CCN6: variants seen among roughly 807,000 people sequenced by gnomAD.
CCN6 encodes the protein cellular communication network factor 6.
A neutral mutation model predicts 37.4 loss-of-function variants in CCN6; 31 were observed. The ratio of observed to expected loss-of-function variants is 0.83; its 90% CI spans 0.62 to 1.12. The LOEUF is 1.12. Ranked by LOEUF, CCN6 falls within the 50% of genes most tolerant of loss-of-function variation. The pLI is 0.00. For synonymous variants in CCN6, 137 were observed against 142.1 expected, an observed-to-expected ratio of 0.96 and a Z score of 0.26; for missense variants, 369 against 413.8, an observed-to-expected ratio of 0.89 and a Z score of 0.94.
intron 1 of CCN6, among the ~76,000 whole-genome samples, chr6:112,055,569 G>A (rs193072850): frequency 7.2e-4 from 108 of 149,174 alleles, no homozygotes; most frequent in Non-Finnish European, 1.1e-3. Flanking sequence ...GCCAAATACT[G>A]TGCTGGGTGC....
intron 1 of CCN6, among the ~76,000 whole-genome samples, chr6:112,058,324 A>T (rs58038616): frequency 6.6e-6 from 1 of 152,220 alleles, no homozygotes; most frequent in Non-Finnish European, 1.5e-5. Context: ...AATTTCCTAC[A>T]GATACTTCTA....
At chr6:112,056,114 A>G (rs1412647910) in intron 1 of CCN6, among the ~76,000 whole-genome samples, 1 of 152,206 alleles carries the variant, frequency 6.6e-6, no homozygotes, top group African/African-American at 2.4e-5. Context: ...AATATGCCTG[A>G]GGAAAAGTGA....
chr6:112,062,547 GT>G (rs2114450133), intron 2 of CCN6, among the ~76,000 whole-genome samples: 1 of 152,370 alleles, frequency 6.6e-6, no homozygotes, highest in South Asian at 2.1e-4. Flanking sequence ...CACACAAAAT[GT>G]GATGAGACTT....
chr6:112,054,069 T>G (rs1283941534), upstream of CCN6: 1 of 595,886 alleles, frequency 1.7e-6, no homozygotes, highest in Non-Finnish European at 3.1e-6. Flanking sequence ...CTACTTGCCC[T>G]GCCCTCCTGA....
At chr6:112,068,832 C>T (rs985126496) in intron 4 of CCN6, among the ~76,000 whole-genome samples, 1 of 152,044 alleles carries the variant, frequency 6.6e-6, no homozygotes, top group African/African-American at 2.4e-5. Context: ...AGAGCTGGTC[C>T]TGCTTCTTGA....
At chr6:112,063,517 G>A (rs1583580037) in intron 2 of CCN6, among the ~76,000 whole-genome samples, 2 of 152,138 alleles carry the variant, frequency 1.3e-5, no homozygotes, top group South Asian at 2.1e-4. Flanking sequence ...ACTTAATTAT[G>A]TAATATCTAA....
chr6:112,069,582 G>C lies in CCN6; in HGVS notation c.1027G>C (p.Glu343Gln), dbSNP rs372870908. Reference protein sequence around the residue: ...TSCVCQRNCREPGDIFSELKI... With the variant: ...TSCVCQRNCRQPGDIFSELKI... ...TTGTGTGTGTCAGAGAAACTGCAGA[G>C]AACCTGGAGATATATTTTCTGAGCT... The change falls in exon 5 of 5, where the codon GAA becomes CAA. Residue 343 changes from glutamate to glutamine, a missense_variant. Physicochemically the swap from Glu to Gln is conservative, Grantham distance 29. Transcript: ENST00000368666. 3 of 1,613,506 alleles carry C rather than the reference G, an allele frequency of 1.9e-6. No homozygotes were observed. The highest frequency in any genetic ancestry group is 2.5e-6 in the Non-Finnish European group (3 of 1,179,770).
chr6:112,058,992 T>C (rs1776429805), intron 1 of CCN6, among the ~76,000 whole-genome samples: 1 of 152,194 alleles, frequency 6.6e-6, no homozygotes, highest in South Asian at 2.1e-4. Context: ...CCATAGCAAC[T>C]AATAAGTTGT....
At chr6:112,056,890 ATCT>A (rs880000892) in intron 1 of CCN6, among the ~76,000 whole-genome samples, 12 of 150,910 alleles carry the variant, frequency 8.0e-5, no homozygotes, top group Admixed American at 2.0e-4. Flanking sequence ...GTCTTTGCAC[ATCT>A]TCTTCTCAAT....
chr6:112,068,119 CTTAAACA>C (rs1474688259), intron 3 of CCN6, 79 bp from the exon 4 acceptor site: 13 of 1,142,942 alleles, frequency 1.1e-5, no homozygotes, highest in Non-Finnish European at 1.5e-5. Context: ...ACTCAGATTT[CTTAAACA>C]TTAAACATGA....
chr6:112,052,997 A>G (rs1776252088), upstream of CCN6, among the ~76,000 whole-genome samples: 1 of 152,192 alleles, frequency 6.6e-6, no homozygotes, highest in Non-Finnish European at 1.5e-5. Flanking sequence ...GAACAGTAAC[A>G]AAGGTGAGCA....
At chr6:112,062,129 G>A (rs1348098819) in intron 2 of CCN6, among the ~76,000 whole-genome samples, 1 of 152,108 alleles carries the variant, frequency 6.6e-6, no homozygotes, top group African/African-American at 2.4e-5. Context: ...CTAGGTTCAA[G>A]TCCTGACTGC....
intron 1 of CCN6, chr6:112,054,640 T>C: frequency 1.9e-6 from 1 of 528,222 alleles, no homozygotes; most frequent in Non-Finnish European, 3.4e-6. Context: ...CACCGAAGCC[T>C]CCTTTCGCTA....
At chr6:112,061,525 T>C in intron 2 of CCN6, 1 of 569,198 alleles carries the variant, frequency 1.8e-6, no homozygotes, top group Non-Finnish European at 3.1e-6. Context: ...GCAGTTCTTC[T>C]CAGGTAATTG....
chr6:112,057,250 C>G (rs1230722455), intron 1 of CCN6, among the ~76,000 whole-genome samples: 1 of 152,180 alleles, frequency 6.6e-6, no homozygotes, highest in Non-Finnish European at 1.5e-5. Context: ...ATAACTGGCT[C>G]AGAAGTTTAG....
chr6:112,061,466 C>A, intron 2 of CCN6, 178 bp downstream of exon 2: 1 of 739,584 alleles, frequency 1.4e-6, no homozygotes, highest in Non-Finnish European at 2.3e-6. Context: ...TTAGCAGATG[C>A]TTACACACAT....
At chr6:112,055,717 A>G (rs1464053781) in intron 1 of CCN6, among the ~76,000 whole-genome samples, 1 of 152,156 alleles carries the variant, frequency 6.6e-6, no homozygotes, top group South Asian at 2.1e-4. Context: ...CAGCCTCCCA[A>G]GTAGCTGAGA....
chr6:112,056,225 G>C (rs1369757564), intron 1 of CCN6, among the ~76,000 whole-genome samples: 1 of 152,152 alleles, frequency 6.6e-6, no homozygotes, highest in African/African-American at 2.4e-5. Context: ...AAGATCTTCA[G>C]ACCGAAGATC....
chr6:112,066,461 T>C (rs1296891246), intron 3 of CCN6, among the ~76,000 whole-genome samples: 6 of 152,188 alleles, frequency 3.9e-5, no homozygotes, highest in African/African-American at 1.4e-4. Context: ...TGGATTCACT[T>C]TGACCTTGGT....
Sources: gnomAD v4.1 joint callset for allele counts (sites outside exome capture counted in the v4.1 genomes callset) on GRCh38, gnomAD v4.1.1 for gene constraint, MANE v1.5 for transcripts, NCBI Gene and HGNC (gene_info 2026-07-23, HGNC 2026-07-21) for gene names.